DOK5: variants seen among roughly 807,000 people sequenced by gnomAD.
The protein encoded by DOK5 is downstream of tyrosine kinase 5.
In DOK5, 27 loss-of-function variants were observed where a neutral mutation model predicts 43.3. The observed-to-expected ratio is 0.62, with a 90% CI of 0.46 to 0.86. The LOEUF (loss-of-function observed/expected upper bound fraction) is 0.86, where lower values mean the gene tolerates loss of function less well. DOK5 is among the 40% of genes least tolerant of loss of function. The pLI is 0.00. For missense variants in DOK5, 373 were observed against 392.9 expected (o/e 0.95, Z 0.43); for synonymous variants, 146 against 140.1 (o/e 1.04, Z -0.30).
At chr20:54,644,354 C>A (rs1177302870) in intron 7 of DOK5, among the ~76,000 whole-genome samples, 1 of 151,500 alleles carries the variant, frequency 6.6e-6, no homozygotes, top group Non-Finnish European at 1.5e-5. Flanking sequence ...GTCAGATCAC[C>A]TGAAGTCAGG....
In DOK5 at chr20:54,619,436, G is replaced by C. The variant is rs531126892; in HGVS notation, c.735+8913G>C. 3.3e-5 allele frequency among the ~76,000 whole-genome samples: 5 copies of C among 152,248 alleles called. No individual in the cohort carries two copies. In the East Asian group the frequency reaches 9.7e-4, roughly 30 times the overall value. ...TCTAATTTTGGAACAAGGCGTGGCA[G>C]TGTGTGGGATATTCCTCATTCCACG... is the stretch of plus-strand genomic sequence containing the variant. On this transcript the variant is annotated intron_variant, in intron 6 of 7. Transcript: ENST00000262593.
At chr20:54,528,215 A>G (rs1983644716) in intron 1 of DOK5, among the ~76,000 whole-genome samples, 1 of 152,192 alleles carries the variant, frequency 6.6e-6, no homozygotes, top group South Asian at 2.1e-4. Flanking sequence ...TCAAAACAAA[A>G]CAAACCAAAC....
At chr20:54,594,252 C>CA (rs1205841346) in intron 5 of DOK5, among the ~76,000 whole-genome samples, 1 of 152,108 alleles carries the variant, frequency 6.6e-6, no homozygotes, top group Admixed American at 6.5e-5. Context: ...ATTAGCCAGG[C>CA]ATAGTGGCAC....
rs1555822342 is a variant in DOK5 at position 54,480,991 on chromosome 20, C to CATCTCTCT, written c.66+4983_66+4984insCTCTATCT. On this transcript the variant is annotated intron_variant, in intron 1 of 7. Transcript: ENST00000262593. ...TATCATCTATCTATCTATCATCTATCATCTATCTATCATCTATCATCTATC... is the reference window on the plus strand; with the variant it reads ...TATCATCTATCTATCTATCATCTATCATCTCTCTATCTATCTATCATCTATCATCTATC... Among the ~76,000 whole-genome samples the CATCTCTCT allele has an allele frequency of 2.8e-4, 40 of 143,268 alleles. 1 individual carries two copies. In the East Asian group the frequency reaches 4.9e-3, roughly 18 times the overall value. The allele number at this position is 143,268 out of a possible 152,430, so 94.0% of individuals were successfully genotyped here.
chr20:54,650,321 A>T (rs1979639579), intron 7 of DOK5, 94 bp from the exon 8 acceptor site: 2 of 1,254,250 alleles, frequency 1.6e-6, no homozygotes, highest in Non-Finnish European at 2.3e-6. Context: ...AAGTACATTT[A>T]CTTATTTCTG....
chr20:54,648,029 A>G (rs1364088277), intron 7 of DOK5, among the ~76,000 whole-genome samples: 7 of 152,178 alleles, frequency 4.6e-5, no homozygotes, highest in Admixed American at 1.3e-4. Context: ...GGGACCTAAC[A>G]TACATGATCT....
chr20:54,552,483 A>G (rs1984563184), intron 1 of DOK5, among the ~76,000 whole-genome samples: 2 of 151,858 alleles, frequency 1.3e-5, no homozygotes, highest in South Asian at 4.1e-4. Flanking sequence ...ATAATTACCT[A>G]TGTTATCTTA....
chr20:54,526,002 G>A (rs1983560368), intron 1 of DOK5, among the ~76,000 whole-genome samples: 1 of 152,144 alleles, frequency 6.6e-6, no homozygotes, highest in African/African-American at 2.4e-5. Flanking sequence ...CCAGTGACAG[G>A]CTGCATAGTT....
chr20:54,550,147 A>G (rs1038900948), intron 1 of DOK5, among the ~76,000 whole-genome samples: 16 of 147,596 alleles, frequency 1.1e-4, no homozygotes, highest in African/African-American at 4.1e-4. Context: ...AAAGTTACTC[A>G]CTCTGGTCGT....
chr20:54,622,191 C>CA (rs555110876), intron 6 of DOK5, among the ~76,000 whole-genome samples: 20 of 141,954 alleles, frequency 1.4e-4, no homozygotes, highest in African/African-American at 2.1e-4. Flanking sequence ...CACTCCATCT[C>CA]AAAAAAAAAG....
At chr20:54,636,204 G>A (rs990237599) in intron 6 of DOK5, among the ~76,000 whole-genome samples, 4 of 152,216 alleles carry the variant, frequency 2.6e-5, no homozygotes, top group African/African-American at 4.8e-5. Context: ...ATTTATTCCT[G>A]GGCATGGGCC....
intron 6 of DOK5, among the ~76,000 whole-genome samples, chr20:54,624,117 A>G (rs1987069007): frequency 6.6e-6 from 1 of 152,234 alleles, no homozygotes; most frequent in Non-Finnish European, 1.5e-5. Flanking sequence ...CCTAGTACTC[A>G]GCAGGAATTC....
rs536882970 is a variant in DOK5 at position 54,638,054 on chromosome 20, G to A, written c.736-5404G>A. Reference sequence around the variant, plus strand: ...GGAGAATGGTGTGAACCCGGGAGGCGGAGCTTGCAGTGAGCCGAGATCATG... The same window carrying A: ...GGAGAATGGTGTGAACCCGGGAGGCAGAGCTTGCAGTGAGCCGAGATCATG... On this transcript the variant is annotated intron_variant, in intron 6 of 7. Coordinates refer to ENST00000262593, the MANE Select transcript of DOK5 (RefSeq NM_018431.5). Among the ~76,000 whole-genome samples the A allele has an allele frequency of 2.4e-4, 36 of 150,536 alleles. 1 individual carries two copies. The South Asian group carries it at 3.2e-3, about 13-fold the overall frequency.
intron 2 of DOK5, among the ~76,000 whole-genome samples, chr20:54,564,486 A>T (rs1985025188): frequency 6.6e-6 from 1 of 152,238 alleles, no homozygotes; most frequent in African/African-American, 2.4e-5. Flanking sequence ...ATTTTGGTCA[A>T]CACCATTGAA....
At position 54,548,218 on chromosome 20, in the gene DOK5, G is replaced by A. The variant is rs541336054; in HGVS notation, c.67-6715G>A. Among the ~76,000 whole-genome samples, 14 of 149,664 alleles carry A rather than the reference G, an allele frequency of 9.4e-5. No homozygotes were observed. The South Asian group carries it at 2.9e-3, about 31-fold the overall frequency. ...TTCTCATACAGTGTATTTACATTAG[G>A]ATTACCTATCTTTTATTTATTTATT... On this transcript the variant is annotated intron_variant, in intron 1 of 7. Coordinates refer to ENST00000262593, the MANE Select transcript of DOK5 (RefSeq NM_018431.5).
rs148942725 is a variant in DOK5 at position 54,618,437 on chromosome 20, G to A, written c.735+7914G>A. ...CAGCTCACTGAAACCTCTGCCTCCC[G>A]GGTTCAAGCGATTCTTCCCCCTCAG... On this transcript the variant is annotated intron_variant, in intron 6 of 7. Coordinates refer to ENST00000262593, the MANE Select transcript of DOK5 (RefSeq NM_018431.5). Among the ~76,000 whole-genome samples, 506 of 151,772 alleles carry A rather than the reference G, an allele frequency of 3.3e-3. 1 individual carries two copies. The highest frequency in any genetic ancestry group is 0.017 in the Middle Eastern group (5 of 294).
chr20:54,554,854 A>G, intron 1 of DOK5, 79 bp from the exon 2 acceptor site: 1 of 909,120 alleles, frequency 1.1e-6, no homozygotes, highest in Non-Finnish European at 1.8e-6. Context: ...TTCACAGGTG[A>G]AAACATCAAA....
intron 5 of DOK5, among the ~76,000 whole-genome samples, chr20:54,604,447 G>T (rs1002559736): frequency 6.6e-5 from 10 of 150,478 alleles, no homozygotes; most frequent in African/African-American, 4.9e-5. Flanking sequence ...TTTTTTAATT[G>T]CCGCATCAGT....
At chr20:54,494,210 C>T (rs762457744) in intron 1 of DOK5, among the ~76,000 whole-genome samples, 1 of 152,150 alleles carries the variant, frequency 6.6e-6, no homozygotes, top group East Asian at 1.9e-4. Flanking sequence ...CAGCTCTTCG[C>T]TTTATTGTTG....
Sources: allele counts gnomAD v4.1 joint callset (sites outside exome capture counted in the v4.1 genomes callset), GRCh38; gene constraint gnomAD v4.1.1; transcripts MANE v1.5; gene names NCBI Gene and HGNC (gene_info 2026-07-23, HGNC 2026-07-21).